The following ACOXL variants were observed in gnomAD, a reference collection of about 807,000 sequenced individuals.
ACOXL encodes the protein acyl-CoA oxidase like, also known as acyl-coenzyme A oxidase-like protein.
In ACOXL, 70 loss-of-function variants were observed where a neutral mutation model predicts 71.9. The observed-to-expected ratio is 0.97, with a 90% CI of 0.80 to 1.19. ACOXL has a LOEUF of 1.19. Among genes scored for constraint, ACOXL ranks in the 50% most tolerant of loss-of-function variants. The probability of loss-of-function intolerance (pLI) is 0.00; values close to 1 mark genes in which losing one functional copy is unlikely to be tolerated. For synonymous variants in ACOXL, 253 were observed against 281.6 expected, an observed-to-expected ratio of 0.90 and a Z score of 1.02; for missense variants, 703 against 736.3, an observed-to-expected ratio of 0.95 and a Z score of 0.52.
intron 1 of ACOXL, among the ~76,000 whole-genome samples, chr2:110,762,079 AT>A (rs1189176464): frequency 6.6e-6 from 1 of 152,100 alleles, no homozygotes; most frequent in Non-Finnish European, 1.5e-5. Context: ...TGATCCTTTT[AT>A]AATTATAATA....
chr2:110,861,821 A>AT (rs1693990133), intron 10 of ACOXL, among the ~76,000 whole-genome samples: 1 of 151,980 alleles, frequency 6.6e-6, no homozygotes, highest in Non-Finnish European at 1.5e-5. Flanking sequence ...GTTTAGCAGG[A>AT]TTTTCTCACC....
rs2070474376 is a variant in ACOXL at position 111,117,962 on chromosome 2, G to T, written c.*146G>T. ...TTGGTGGCAAAGCGGAGGTCCCGCC[G>T]AGGCTGGCGAGGTGCGCGGCTGGCT... is the stretch of plus-strand genomic sequence containing the variant. On this transcript the variant is annotated 3_prime_UTR_variant, in exon 18 of 18. Coordinates refer to ENST00000439055, the MANE Select transcript of ACOXL (RefSeq NM_001142807.4). 1 of 941,380 alleles carries T rather than the reference G, an allele frequency of 1.1e-6. No homozygotes were observed. Among genetic ancestry groups the T allele is most frequent in the Non-Finnish European group, 1.5e-6 (1 of 647,730 alleles). The allele number at this position is 941,380 out of a possible 1,614,324, so 58.3% of individuals were successfully genotyped here. A position where few individuals can be genotyped will look rare whatever the true frequency, so the allele number is the denominator to read the frequency against.
At chr2:110,966,828 G>A (rs888832864) in intron 12 of ACOXL, among the ~76,000 whole-genome samples, 2 of 152,174 alleles carry the variant, frequency 1.3e-5, no homozygotes, top group African/African-American at 2.4e-5. Context: ...AACAGAACTT[G>A]CCCCCAACCT....
At chr2:111,014,609 G>A (rs542923649) in intron 14 of ACOXL, among the ~76,000 whole-genome samples, 35 of 152,268 alleles carry the variant, frequency 2.3e-4, no homozygotes, top group African/African-American at 7.9e-4. Context: ...AATGTTTGTA[G>A]AAACTCATAA....
At chr2:111,092,230 GA>G (rs1189762040) in intron 16 of ACOXL, among the ~76,000 whole-genome samples, 1 of 152,166 alleles carries the variant, frequency 6.6e-6, no homozygotes, top group Non-Finnish European at 1.5e-5. Flanking sequence ...ATTTTTGCGT[GA>G]TTTTGAAATT....
chr2:111,109,577 C>G (rs2069793067), intron 17 of ACOXL, among the ~76,000 whole-genome samples: 1 of 150,922 alleles, frequency 6.6e-6, no homozygotes, highest in Non-Finnish European at 1.5e-5. Flanking sequence ...CCCATTTTTT[C>G]AGATCTAGAA....
At chr2:110,793,019 A>T (rs1275806747) in intron 3 of ACOXL, among the ~76,000 whole-genome samples, 1 of 152,146 alleles carries the variant, frequency 6.6e-6, no homozygotes, top group African/African-American at 2.4e-5. Context: ...CTTTCTCTCC[A>T]GGGTTGTTGT....
chr2:111,085,974 A>G (rs562021970), intron 16 of ACOXL, among the ~76,000 whole-genome samples: 4 of 152,326 alleles, frequency 2.6e-5, no homozygotes, highest in African/African-American at 9.6e-5. Flanking sequence ...GAAGAAAGGG[A>G]TAAGTTCCTG....
At chr2:111,028,623 C>A (rs2065123994) in intron 14 of ACOXL, among the ~76,000 whole-genome samples, 2 of 152,106 alleles carry the variant, frequency 1.3e-5, no homozygotes, top group Admixed American at 1.3e-4. Flanking sequence ...TGTTAGCTGA[C>A]ATTTTTTGTA....
rs1485877131 is a variant in ACOXL at position 110,805,120 on chromosome 2, A to C, written c.621-143A>C. ...TTGGAGAGGGACTCCCCCTGCCCTTATCGGCGCTCTGTCTCAAGGGGGAAG... is the reference window on the plus strand; with the variant it reads ...TTGGAGAGGGACTCCCCCTGCCCTTCTCGGCGCTCTGTCTCAAGGGGGAAG... On this transcript the variant is annotated intron_variant, in intron 8 of 17. Coordinates refer to ENST00000439055, the MANE Select transcript of ACOXL (RefSeq NM_001142807.4). 3.7e-6 allele frequency: 4 copies of C among 1,087,766 alleles called. No individual in the cohort carries two copies. The African/African-American group carries it at 4.7e-5, about 13-fold the overall frequency. 67.4% of individuals were successfully genotyped at this position (1,087,766 alleles called of 1,614,324 possible).
At chr2:111,092,412 T>G (rs987278747) in intron 16 of ACOXL, among the ~76,000 whole-genome samples, 1 of 152,194 alleles carries the variant, frequency 6.6e-6, no homozygotes, top group Non-Finnish European at 1.5e-5. Flanking sequence ...AAATGAGGAA[T>G]GCTATTTTTT....
chr2:110,868,960 G>C (rs1057164042), intron 10 of ACOXL, among the ~76,000 whole-genome samples: 5 of 152,086 alleles, frequency 3.3e-5, no homozygotes, highest in African/African-American at 1.2e-4. Context: ...TCTGGAAAAT[G>C]CACCCTCATG....
At chr2:111,031,133 C>G (rs2065245091) in intron 14 of ACOXL, among the ~76,000 whole-genome samples, 1 of 152,194 alleles carries the variant, frequency 6.6e-6, no homozygotes, top group African/African-American at 2.4e-5. Flanking sequence ...ATGTTAATTC[C>G]TCACATATAT....
At chr2:110,761,104 T>C (rs1680344333) in intron 1 of ACOXL, among the ~76,000 whole-genome samples, 1 of 152,268 alleles carries the variant, frequency 6.6e-6, no homozygotes, top group Non-Finnish European at 1.5e-5. Context: ...ATAATTGCAT[T>C]GGCAAATACC....
intron 8 of ACOXL, among the ~76,000 whole-genome samples, chr2:110,803,573 A>G (rs1437339564): frequency 6.6e-6 from 1 of 152,252 alleles, no homozygotes; most frequent in East Asian, 1.9e-4. Flanking sequence ...AAATCTTAGA[A>G]GAAAACACAG....
At chr2:111,095,317 C>T (rs1351351978) in intron 17 of ACOXL, among the ~76,000 whole-genome samples, 1 of 149,888 alleles carries the variant, frequency 6.7e-6, no homozygotes, top group East Asian at 1.9e-4. Context: ...TGCAATATAT[C>T]AGAGGAATAT....
At chr2:110,827,718 C>G (rs1206107770) in intron 9 of ACOXL, among the ~76,000 whole-genome samples, 1 of 151,958 alleles carries the variant, frequency 6.6e-6, no homozygotes, top group Non-Finnish European at 1.5e-5. Flanking sequence ...CTGGAGACAT[C>G]AGCTGACCCT....
intron 12 of ACOXL, among the ~76,000 whole-genome samples, chr2:110,972,892 C>T (rs769721276): frequency 6.6e-6 from 1 of 152,234 alleles, no homozygotes; most frequent in Non-Finnish European, 1.5e-5. Flanking sequence ...TGTAGACACC[C>T]TCTGCCTAGC....
chr2:111,019,732 G>C (rs1185071746), intron 14 of ACOXL, among the ~76,000 whole-genome samples: 3 of 152,218 alleles, frequency 2.0e-5, no homozygotes, highest in Non-Finnish European at 4.4e-5. Context: ...GGAAGACAGC[G>C]TGCGTGAAAG....
Sources: gnomAD v4.1 joint callset for allele counts (sites outside exome capture counted in the v4.1 genomes callset) on GRCh38, gnomAD v4.1.1 for gene constraint, MANE v1.5 for transcripts, NCBI Gene and HGNC (gene_info 2026-07-23, HGNC 2026-07-21) for gene names.